Variants in NRG1 observed in about 807,000 individuals in gnomAD.
NRG1 encodes pro-neuregulin-1, membrane-bound isoform.
In NRG1, 18 loss-of-function variants were observed where a neutral mutation model predicts 63.8. That is an observed-to-expected ratio of 0.28 (90% CI 0.19 to 0.42). The LOEUF (loss-of-function observed/expected upper bound fraction) is 0.42. Ranked by LOEUF, NRG1 falls within the 10% of genes least tolerant of loss-of-function variation. The probability of loss-of-function intolerance (pLI) is 1.00; values close to 1 mark genes in which losing one functional copy is unlikely to be tolerated. For synonymous variants in NRG1, 302 were observed against 301.3 expected (o/e 1.00, Z -0.02); for missense variants, 762 against 814.7 (o/e 0.94, Z 0.79).
chr8:32,005,784 T>C (rs1813685225), intron 1 of NRG1, among the ~76,000 whole-genome samples: 1 of 152,030 alleles, frequency 6.6e-6, no homozygotes, highest in Admixed American at 6.6e-5. Context: ...TGAACTATTT[T>C]CTTTGGTTGC....
At chr8:32,415,992 C>T (rs979813920) in intron 1 of NRG1, among the ~76,000 whole-genome samples, 1 of 152,166 alleles carries the variant, frequency 6.6e-6, no homozygotes, top group Admixed American at 6.6e-5. Flanking sequence ...ATAGGAATGA[C>T]AATACACTGC....
chr8:32,687,483 G>A (rs12541309), intron 5 of NRG1, among the ~76,000 whole-genome samples: 23,942 of 152,172 alleles, frequency 0.16, 2,108 homozygotes, highest in East Asian at 0.38. Flanking sequence ...AGCTGAGCCC[G>A]AGTCTGAACG....
At chr8:31,670,571 G>GTT (rs35693427) in intron 1 of NRG1, among the ~76,000 whole-genome samples, 84 of 146,222 alleles carry the variant, frequency 5.7e-4, no homozygotes, top group Non-Finnish European at 9.2e-4. Context: ...CATTCTCTTT[G>GTT]TTTTTTTTTT....
intron 1 of NRG1, among the ~76,000 whole-genome samples, chr8:32,362,016 T>C (rs1305649917): frequency 6.6e-6 from 1 of 152,188 alleles, no homozygotes. Context: ...GTGTCACTTT[T>C]GTGGGGATAA....
chr8:32,578,227 C>T (rs1384477073), intron 1 of NRG1, among the ~76,000 whole-genome samples: 1 of 152,140 alleles, frequency 6.6e-6, no homozygotes, highest in Admixed American at 6.5e-5. Flanking sequence ...AATGCCTGAC[C>T]TCGTGATCCA....
intron 5 of NRG1, among the ~76,000 whole-genome samples, chr8:32,638,592 AGTT>A (rs1462819348): frequency 6.6e-6 from 1 of 152,060 alleles, no homozygotes; most frequent in Admixed American, 6.6e-5. Flanking sequence ...CCTCCCTAGT[AGTT>A]GGGATCACGG....
At chr8:31,704,561 G>A (rs1489666962) in intron 1 of NRG1, among the ~76,000 whole-genome samples, 2 of 152,038 alleles carry the variant, frequency 1.3e-5, no homozygotes, top group South Asian at 2.1e-4. Flanking sequence ...GGCTGGGCGC[G>A]GTGGCTCATG....
intron 1 of NRG1, among the ~76,000 whole-genome samples, chr8:31,727,115 G>A (rs570117635): frequency 1.3e-5 from 2 of 152,246 alleles, no homozygotes; most frequent in South Asian, 4.1e-4. Flanking sequence ...TGCCTACTAT[G>A]TATAGGTACT....
intron 5 of NRG1, among the ~76,000 whole-genome samples, chr8:32,708,765 A>G (rs1168007892): frequency 3.3e-5 from 5 of 152,322 alleles, no homozygotes; most frequent in Non-Finnish European, 2.9e-5. Context: ...TTAAGATGAC[A>G]GGAATGGTTA....
chr8:32,683,541 A>T (rs10503925), intron 5 of NRG1, among the ~76,000 whole-genome samples: 12,656 of 152,136 alleles, frequency 0.083, 559 homozygotes, highest in Non-Finnish European at 0.092. Flanking sequence ...TTCACAATGG[A>T]TATTCAGACT....
chr8:32,535,008 G>A (rs1384939858), intron 1 of NRG1, among the ~76,000 whole-genome samples: 2 of 152,114 alleles, frequency 1.3e-5, no homozygotes, highest in Non-Finnish European at 1.5e-5. Flanking sequence ...GTTTTAATGA[G>A]GTTGGGAAAC....
At chr8:32,478,143 T>C (rs919831681) in intron 1 of NRG1, among the ~76,000 whole-genome samples, 2 of 152,226 alleles carry the variant, frequency 1.3e-5, no homozygotes, top group Non-Finnish European at 2.9e-5. Context: ...AACCAGCAGT[T>C]TCAAGTATCC....
At chr8:31,769,754 G>C (rs1818431215) in intron 1 of NRG1, among the ~76,000 whole-genome samples, 1 of 152,120 alleles carries the variant, frequency 6.6e-6, no homozygotes, top group Non-Finnish European at 1.5e-5. Context: ...GGGATTATCA[G>C]TAAGAAAATA....
chr8:32,333,841 A>T (rs1416487920), intron 1 of NRG1, among the ~76,000 whole-genome samples: 1 of 152,152 alleles, frequency 6.6e-6, no homozygotes, highest in Non-Finnish European at 1.5e-5. Context: ...CCCATAAAAA[A>T]ACTAAACTAC....
At chr8:32,697,186 T>C (rs1449122203) in intron 5 of NRG1, among the ~76,000 whole-genome samples, 5 of 152,220 alleles carry the variant, frequency 3.3e-5, no homozygotes, top group Non-Finnish European at 7.3e-5. Flanking sequence ...TGAGCTGAGC[T>C]TGAGTCAGCT....
chr8:32,609,609 TCCTTCCTTCCTTTCCC>T (rs1845987014), intron 3 of NRG1, among the ~76,000 whole-genome samples: 1 of 126,528 alleles, frequency 7.9e-6, no homozygotes, highest in Non-Finnish European at 1.6e-5. Flanking sequence ...CTTCCTTCCT[TCCTTCCTTCCTTTCCC>T]TCCCTCCCTC....
intron 1 of NRG1, among the ~76,000 whole-genome samples, chr8:31,813,558 G>A (rs1420347801): frequency 1.1e-5 from 1 of 89,078 alleles, no homozygotes; most frequent in African/African-American, 3.7e-5. Context: ...GTCTCCCTCT[G>A]TCTTCCAGGC....
rs536398773 is a variant in NRG1 at position 32,385,145 on chromosome 8, G to C, written c.38-210683G>C. 5.3e-5 allele frequency among the ~76,000 whole-genome samples: 8 copies of C among 151,924 alleles called. No individual in the cohort carries two copies. In the South Asian group the frequency reaches 1.2e-3, roughly 24 times the overall value. ...TGCCATTCTCCTGCCTCAGCCTCCCGAGTAGCTGGGACTACAGGCGCCCGT... is the reference window on the plus strand; with the variant it reads ...TGCCATTCTCCTGCCTCAGCCTCCCCAGTAGCTGGGACTACAGGCGCCCGT... On this transcript the variant is annotated intron_variant, in intron 1 of 10. Coordinates refer to the NRG1 transcript ENST00000519301.
chr8:31,943,632 G>A, intron 1 of NRG1, among the ~76,000 whole-genome samples: 1 of 152,128 alleles, frequency 6.6e-6, no homozygotes, highest in South Asian at 2.1e-4. Flanking sequence ...AGTGAAGAAA[G>A]GGGCAATGTG....
Sources: allele counts gnomAD v4.1 joint callset (sites outside exome capture counted in the v4.1 genomes callset), GRCh38; gene constraint gnomAD v4.1.1; transcripts MANE v1.5; gene names NCBI Gene and HGNC (gene_info 2026-07-23, HGNC 2026-07-21).